Variants in LCLAT1 observed in about 807,000 individuals in gnomAD.
The protein encoded by LCLAT1 is lysocardiolipin acyltransferase 1, also known as 1-AGP acyltransferase 8.
A neutral mutation model predicts 30.7 loss-of-function variants in LCLAT1; 11 were observed. The ratio of observed to expected loss-of-function variants is 0.36; its 90% CI spans 0.23 to 0.59. The LOEUF (loss-of-function observed/expected upper bound fraction) is 0.59. Ranked by LOEUF, LCLAT1 falls within the 20% of genes least tolerant of loss-of-function variation. LCLAT1 has a pLI of 0.77. For missense variants in LCLAT1, 402 were observed against 458.6 expected, an observed-to-expected ratio of 0.88 and a Z score of 1.13; for synonymous variants, 155 against 151.3, an observed-to-expected ratio of 1.02 and a Z score of -0.18.
At chr2:30,627,467 T>C (rs764951024) in intron 5 of LCLAT1, among the ~76,000 whole-genome samples, 1 of 152,222 alleles carries the variant, frequency 6.6e-6, no homozygotes, top group African/African-American at 2.4e-5. Context: ...CAGTTTGTTA[T>C]GTTCGCAGGC....
intron 1 of LCLAT1, among the ~76,000 whole-genome samples, chr2:30,464,577 A>G (rs930449106): frequency 6.6e-6 from 1 of 152,224 alleles, no homozygotes; most frequent in East Asian, 1.9e-4. Context: ...TTTTATTTGC[A>G]TGTCAGATAC....
chr2:30,621,866 T>C lies in LCLAT1; in HGVS notation c.629-18251T>C, dbSNP rs554191305. Among the ~76,000 whole-genome samples the C allele has an allele frequency of 3.5e-4, 54 of 152,208 alleles. 1 individual carries two copies. The South Asian group carries it at 8.7e-3, about 25-fold the overall frequency. On this transcript the variant is annotated intron_variant, in intron 5 of 5. Coordinates refer to ENST00000379509, the MANE Select transcript of LCLAT1 (RefSeq NM_001002257.3). Reference sequence around the variant, plus strand: ...GGAGAAGGAATCTTCCAGCTGAACTTTGTAACAACTTTGATGGAATGTGAA... The same window carrying C: ...GGAGAAGGAATCTTCCAGCTGAACTCTGTAACAACTTTGATGGAATGTGAA...
At chr2:30,493,316 G>A (rs1257444196) in intron 1 of LCLAT1, among the ~76,000 whole-genome samples, 1 of 152,136 alleles carries the variant, frequency 6.6e-6, no homozygotes, top group African/African-American at 2.4e-5. Context: ...TTAAAATGTT[G>A]ATATATCAAT....
intron 5 of LCLAT1, among the ~76,000 whole-genome samples, chr2:30,592,663 A>C (rs1666748448): frequency 6.6e-6 from 1 of 152,230 alleles, no homozygotes; most frequent in Admixed American, 6.5e-5. Context: ...AATCCATTAC[A>C]TACATTTTAG....
At chr2:30,634,734 T>C (rs915639827) in intron 5 of LCLAT1, among the ~76,000 whole-genome samples, 7 of 152,264 alleles carry the variant, frequency 4.6e-5, no homozygotes, top group Non-Finnish European at 8.8e-5. Context: ...TTAAAGGCAG[T>C]ATAAATCCTT....
chr2:30,472,981 T>G (rs976622525), intron 1 of LCLAT1, among the ~76,000 whole-genome samples: 3 of 152,184 alleles, frequency 2.0e-5, no homozygotes, highest in Non-Finnish European at 4.4e-5. Flanking sequence ...TAATTATGCC[T>G]TTCTGTCTTC....
At chr2:30,493,471 G>A (rs969800355) in intron 1 of LCLAT1, among the ~76,000 whole-genome samples, 1 of 152,214 alleles carries the variant, frequency 6.6e-6, no homozygotes, top group African/African-American at 2.4e-5. Context: ...AGCAAATGAA[G>A]TCCGGGAGGA....
intron 5 of LCLAT1, among the ~76,000 whole-genome samples, chr2:30,637,501 C>A (rs1382543215): frequency 6.6e-6 from 1 of 152,120 alleles, no homozygotes; most frequent in Non-Finnish European, 1.5e-5. Flanking sequence ...TCAGCGCCAG[C>A]CCTTTCTCAA....
intron 5 of LCLAT1, among the ~76,000 whole-genome samples, chr2:30,631,509 G>C (rs1184111320): frequency 1.3e-5 from 2 of 152,176 alleles, no homozygotes; most frequent in Non-Finnish European, 2.9e-5. Context: ...GAAATATTCA[G>C]GGTGCTGAAG....
At chr2:30,622,579 G>A (rs1239573689) in intron 5 of LCLAT1, among the ~76,000 whole-genome samples, 1 of 152,188 alleles carries the variant, frequency 6.6e-6, no homozygotes, top group Non-Finnish European at 1.5e-5. Flanking sequence ...CTCCACCAGA[G>A]CAGGTGCTGG....
chr2:30,506,273 A>G lies in LCLAT1; in HGVS notation c.-4-19314A>G, dbSNP rs117525181. Among the ~76,000 whole-genome samples, 125 of 152,168 alleles carry G rather than the reference A, an allele frequency of 8.2e-4. 1 individual carries two copies. The East Asian group carries it at 0.018, about 22-fold the overall frequency. On this transcript the variant is annotated intron_variant, in intron 1 of 5. Transcript: ENST00000379509. ...TCCTGTTGTCTGTTTGTTTTTTCCAAACAGATAAAGGTTTTTTCTTTTGAT... is the reference window on the plus strand; with the variant it reads ...TCCTGTTGTCTGTTTGTTTTTTCCAGACAGATAAAGGTTTTTTCTTTTGAT...
chr2:30,591,209 C>T (rs990891039), intron 5 of LCLAT1, among the ~76,000 whole-genome samples: 1 of 152,074 alleles, frequency 6.6e-6, no homozygotes, highest in African/African-American at 2.4e-5. Context: ...AATAATGTTA[C>T]TTTCCAAACT....
At chr2:30,635,396 C>T (rs1265449760) in intron 5 of LCLAT1, among the ~76,000 whole-genome samples, 4 of 152,234 alleles carry the variant, frequency 2.6e-5, no homozygotes, top group East Asian at 1.9e-4. Flanking sequence ...GCCAGCACTG[C>T]TCAAGGAAAT....
chr2:30,602,700 T>C (rs1194744729), intron 5 of LCLAT1, among the ~76,000 whole-genome samples: 1 of 152,226 alleles, frequency 6.6e-6, no homozygotes, highest in Non-Finnish European at 1.5e-5. Flanking sequence ...TATCAGCTTT[T>C]ATTTTAATGG....
chr2:30,605,983 C>A, intron 5 of LCLAT1: 1 of 1,277,982 alleles, frequency 7.8e-7, no homozygotes, highest in South Asian at 1.3e-5. Context: ...CCATGAGAAT[C>A]TAATGCTCCC....
intron 1 of LCLAT1, among the ~76,000 whole-genome samples, chr2:30,510,194 C>T (rs755588258): frequency 2.6e-5 from 4 of 151,848 alleles, no homozygotes; most frequent in Non-Finnish European, 5.9e-5. Flanking sequence ...CTATGATGAT[C>T]TCTTACTTGC....
chr2:30,569,832 A>T (rs1348344135), intron 5 of LCLAT1, among the ~76,000 whole-genome samples: 1 of 152,186 alleles, frequency 6.6e-6, no homozygotes, highest in Non-Finnish European at 1.5e-5. Context: ...CTAATATAAC[A>T]TGGACTTGTG....
chr2:30,609,674 T>C lies in LCLAT1; in HGVS notation c.629-30443T>C, dbSNP rs138683575. ...TAGCCTTTTTGTGTGCATAACTGTT[T>C]AGGCATTTCAGCCCACAGTGATCCT... On this transcript the variant is annotated intron_variant, in intron 5 of 5. Transcript: ENST00000379509. Among the ~76,000 whole-genome samples, 1,473 of 152,282 alleles carry C rather than the reference T, an allele frequency of 9.7e-3. 21 individuals are homozygous for C. Among genetic ancestry groups the C allele is most frequent in the Non-Finnish European group, 0.014 (945 of 68,006 alleles).
intron 5 of LCLAT1, among the ~76,000 whole-genome samples, chr2:30,604,766 A>G (rs956269327): frequency 6.6e-6 from 1 of 152,096 alleles, no homozygotes. Flanking sequence ...CCGTGCTTTA[A>G]TATTTGAAGG....
Sources: allele counts gnomAD v4.1 joint callset (sites outside exome capture counted in the v4.1 genomes callset), GRCh38; gene constraint gnomAD v4.1.1; transcripts MANE v1.5; gene names NCBI Gene and HGNC (gene_info 2026-07-23, HGNC 2026-07-21).